NLGN1: variants seen among roughly 807,000 people sequenced by gnomAD.
NLGN1 encodes neuroligin 1.
NLGN1 carries 12 observed loss-of-function variants against 65.5 expected under a neutral mutation model. That is an observed-to-expected ratio of 0.18 (90% CI 0.12 to 0.30). The LOEUF (loss-of-function observed/expected upper bound fraction) is 0.30. Ranked by LOEUF, NLGN1 falls within the 10% of genes least tolerant of loss-of-function variation. The probability of loss-of-function intolerance (pLI) is 1.00; values close to 1 mark genes in which losing one functional copy is unlikely to be tolerated. For missense variants in NLGN1, 750 were observed against 1,007.1 expected, an observed-to-expected ratio of 0.74 and a Z score of 3.46; for synonymous variants, 350 against 359.5, an observed-to-expected ratio of 0.97 and a Z score of 0.30.
chr3:173,403,379 G>A (rs1718067331), intron 1 of NLGN1, among the ~76,000 whole-genome samples: 1 of 152,072 alleles, frequency 6.6e-6, no homozygotes, highest in Admixed American at 6.6e-5. Flanking sequence ...CCTCATCTAT[G>A]TTTGTCATAT....
At chr3:174,150,210 C>T (rs1392144516) in intron 4 of NLGN1, among the ~76,000 whole-genome samples, 1 of 151,986 alleles carries the variant, frequency 6.6e-6, no homozygotes, top group Non-Finnish European at 1.5e-5. Context: ...ACATAGTGGG[C>T]ATTATTAATA....
At chr3:173,716,937 T>C (rs2149980416) in intron 3 of NLGN1, among the ~76,000 whole-genome samples, 1 of 152,266 alleles carries the variant, frequency 6.6e-6, no homozygotes, top group South Asian at 2.1e-4. Context: ...TCCTGACACA[T>C]TAATCAATGA....
At chr3:174,071,884 T>C (rs35815407) in intron 4 of NLGN1, among the ~76,000 whole-genome samples, 1,602 of 152,244 alleles carry the variant, frequency 0.011, 11 homozygotes, top group Non-Finnish European at 0.019. Flanking sequence ...GAGACAATGG[T>C]TTGCTCTCAA....
intron 1 of NLGN1, among the ~76,000 whole-genome samples, chr3:173,414,513 T>C (rs1386573197): frequency 2.6e-5 from 4 of 151,888 alleles, no homozygotes; most frequent in Non-Finnish European, 1.5e-5. Flanking sequence ...CATAGAGGCT[T>C]CAGTTTGCCA....
chr3:174,073,270 C>T (rs1016569571), intron 4 of NLGN1, among the ~76,000 whole-genome samples: 4 of 151,276 alleles, frequency 2.6e-5, no homozygotes, highest in Non-Finnish European at 1.5e-5. Context: ...TCCATTCCAT[C>T]GCAAAGTTTG....
chr3:173,694,648 G>A (rs1378227397), intron 3 of NLGN1, among the ~76,000 whole-genome samples: 1 of 152,028 alleles, frequency 6.6e-6, no homozygotes, highest in Non-Finnish European at 1.5e-5. Flanking sequence ...TTTTTTCATA[G>A]GTACCATTGA....
At chr3:174,275,282 T>C in intron 4 of NLGN1, 33 bp from the exon 5 acceptor site, 1 of 1,534,590 alleles carries the variant, frequency 6.5e-7, no homozygotes, top group Non-Finnish European at 9.0e-7. Context: ...TCACGTCAGC[T>C]CAAAACGTGT....
intron 3 of NLGN1, among the ~76,000 whole-genome samples, chr3:173,626,070 G>C (rs935920646): frequency 2.0e-5 from 3 of 151,964 alleles, no homozygotes; most frequent in Non-Finnish European, 4.4e-5. Flanking sequence ...CTATCCAATA[G>C]AGCTTTCTGT....
At chr3:174,164,384 A>T (rs1727130653) in intron 4 of NLGN1, among the ~76,000 whole-genome samples, 1 of 151,636 alleles carries the variant, frequency 6.6e-6, no homozygotes, top group South Asian at 2.1e-4. Flanking sequence ...TAGGCTGTTT[A>T]CTCTCTTGAT....
intron 4 of NLGN1, among the ~76,000 whole-genome samples, chr3:173,952,439 T>G (rs570340375): frequency 1.3e-5 from 2 of 152,316 alleles, no homozygotes; most frequent in African/African-American, 4.8e-5. Flanking sequence ...CAGATTTTAC[T>G]CTAGTGCTAT....
At chr3:173,850,090 C>T (rs1437004925) in intron 4 of NLGN1, among the ~76,000 whole-genome samples, 1 of 152,018 alleles carries the variant, frequency 6.6e-6, no homozygotes, top group Non-Finnish European at 1.5e-5. Flanking sequence ...GAAATATCCT[C>T]AAGAAGTCTC....
At chr3:173,600,604 A>G (rs1750361897) in intron 2 of NLGN1, among the ~76,000 whole-genome samples, 1 of 10,064 alleles carries the variant, frequency 9.9e-5, no homozygotes, top group Non-Finnish European at 6.3e-4. Flanking sequence ...TTTTTTTTAG[A>G]AAAAGATATG....
chr3:174,151,562 G>T (rs975787047), intron 4 of NLGN1, among the ~76,000 whole-genome samples: 1 of 129,756 alleles, frequency 7.7e-6, no homozygotes, highest in Non-Finnish European at 1.6e-5. Flanking sequence ...TAATAAAAAC[G>T]TATGACAGAC....
chr3:174,154,403 A>G (rs530383547), intron 4 of NLGN1, among the ~76,000 whole-genome samples: 2 of 152,204 alleles, frequency 1.3e-5, no homozygotes, highest in African/African-American at 4.8e-5. Flanking sequence ...GTTCTCAAAT[A>G]AATTGTTCCG....
At chr3:174,101,835 G>A (rs1712574189) in intron 4 of NLGN1, among the ~76,000 whole-genome samples, 1 of 152,140 alleles carries the variant, frequency 6.6e-6, no homozygotes, top group Non-Finnish European at 1.5e-5. Flanking sequence ...TACTTTTAAT[G>A]TAAGCCACTC....
intron 4 of NLGN1, among the ~76,000 whole-genome samples, chr3:174,178,222 A>C (rs1729792135): frequency 6.6e-6 from 1 of 152,120 alleles, no homozygotes; most frequent in Non-Finnish European, 1.5e-5. Context: ...CTGACCCCAG[A>C]AGTATGCTTT....
intron 2 of NLGN1, among the ~76,000 whole-genome samples, chr3:173,591,674 G>T (rs1748508431): frequency 6.6e-6 from 1 of 152,102 alleles, no homozygotes; most frequent in Non-Finnish European, 1.5e-5. Flanking sequence ...CTATTCTCTG[G>T]CAACAAGGGA....
At chr3:173,547,068 A>T (rs9847854) in intron 2 of NLGN1, among the ~76,000 whole-genome samples, 15,544 of 152,148 alleles carry the variant, frequency 0.1, 1,019 homozygotes, top group Middle Eastern at 0.24. Flanking sequence ...CATTTTGGAG[A>T]TACTCCACTT....
chr3:174,096,358 G>T (rs1207816019), intron 4 of NLGN1, among the ~76,000 whole-genome samples: 1 of 151,796 alleles, frequency 6.6e-6, no homozygotes, highest in East Asian at 1.9e-4. Flanking sequence ...CAGAACATGG[G>T]TTGATTTAGT....
Sources: gnomAD v4.1 joint callset for allele counts (sites outside exome capture counted in the v4.1 genomes callset) on GRCh38, gnomAD v4.1.1 for gene constraint, MANE v1.5 for transcripts, NCBI Gene and HGNC (gene_info 2026-07-23, HGNC 2026-07-21) for gene names.